TANC1: variants seen among roughly 807,000 people sequenced by gnomAD.
TANC1 encodes the protein tetratricopeptide repeat, ankyrin repeat and coiled-coil containing 1, also known as protein TANC1.
Under a neutral mutation model 149.7 loss-of-function variants are expected in TANC1, and 77 were observed. The ratio of observed to expected loss-of-function variants is 0.51; its 90% CI spans 0.43 to 0.62. The LOEUF (loss-of-function observed/expected upper bound fraction) is 0.62. TANC1 is among the 20% of genes least tolerant of loss of function. The pLI, the probability that TANC1 is intolerant of heterozygous loss-of-function variation, is 0.00. For missense variants in TANC1, 1,985 were observed against 2,321.8 expected (o/e 0.85, Z 2.98); for synonymous variants, 854 against 925.0 (o/e 0.92, Z 1.39).
intron 2 of TANC1, among the ~76,000 whole-genome samples, chr2:159,054,588 G>T (rs1451808554): frequency 6.6e-6 from 1 of 152,178 alleles, no homozygotes. Flanking sequence ...ATGAATAGCT[G>T]CCTTTCACAG....
intron 2 of TANC1, among the ~76,000 whole-genome samples, chr2:159,059,369 T>C (rs2042066477): frequency 6.6e-6 from 1 of 151,916 alleles, no homozygotes; most frequent in Non-Finnish European, 1.5e-5. Flanking sequence ...GGCTTGGTGG[T>C]ACATGCCTGT....
intron 3 of TANC1, among the ~76,000 whole-genome samples, chr2:159,085,310 C>T (rs931018481): frequency 1.1e-4 from 16 of 152,246 alleles, no homozygotes; most frequent in South Asian, 2.1e-4. Flanking sequence ...GCCTGCAGAA[C>T]GATGAGCTAA....
intron 1 of TANC1, among the ~76,000 whole-genome samples, chr2:158,977,729 A>T (rs552335093): frequency 2.0e-5 from 3 of 151,984 alleles, no homozygotes; most frequent in Non-Finnish European, 4.4e-5. Context: ...ATCATACCTG[A>T]TATAAGGACA....
intron 2 of TANC1, among the ~76,000 whole-genome samples, chr2:159,022,107 A>G (rs1314082506): frequency 1.3e-5 from 2 of 152,224 alleles, no homozygotes; most frequent in Non-Finnish European, 2.9e-5. Flanking sequence ...CTCGTTCCCA[A>G]CAACCTTTGG....
intron 14 of TANC1, among the ~76,000 whole-genome samples, 181 bp downstream of exon 14, chr2:159,179,344 C>T (rs913600248): frequency 1.3e-5 from 2 of 152,038 alleles, no homozygotes; most frequent in African/African-American, 4.8e-5. Flanking sequence ...GGGGAATTCT[C>T]TATACAGAAG....
intron 4 of TANC1, 110 bp downstream of exon 4, chr2:159,097,944 C>A: frequency 8.8e-6 from 8 of 909,442 alleles, no homozygotes; most frequent in South Asian, 3.7e-5. Context: ...TTTTCTTTGT[C>A]GCAGTATCTT....
At chr2:159,159,917 A>G (rs1020237925) in intron 7 of TANC1, among the ~76,000 whole-genome samples, 4 of 152,128 alleles carry the variant, frequency 2.6e-5, no homozygotes, top group African/African-American at 9.7e-5. Context: ...GCTACTTGGG[A>G]GGCTGATGCA....
chr2:159,176,627 C>G, intron 13 of TANC1, 109 bp downstream of exon 13: 1 of 897,196 alleles, frequency 1.1e-6, no homozygotes, highest in South Asian at 1.7e-5. Context: ...GAATTGGAAA[C>G]TATGTTAAGA....
intron 16 of TANC1, among the ~76,000 whole-genome samples, chr2:159,189,476 TA>T (rs1468659139): frequency 6.6e-6 from 1 of 152,220 alleles, no homozygotes; most frequent in African/African-American, 2.4e-5. Context: ...AAAGGTTGAT[TA>T]TAACATCGAT....
intron 7 of TANC1, among the ~76,000 whole-genome samples, chr2:159,159,934 C>T (rs1419466906): frequency 6.6e-6 from 1 of 151,868 alleles, no homozygotes; most frequent in Admixed American, 6.6e-5. Flanking sequence ...TGCAGGAGGA[C>T]TGATTGAGGC....
intron 24 of TANC1, 91 bp downstream of exon 24, chr2:159,225,870 C>G: frequency 6.8e-6 from 7 of 1,022,712 alleles, no homozygotes; most frequent in Admixed American, 5.9e-5. Context: ...TGCTACTGCA[C>G]AGTCTCCATG....
chr2:159,021,665 A>G (rs908760666), intron 2 of TANC1, among the ~76,000 whole-genome samples: 5 of 152,234 alleles, frequency 3.3e-5, no homozygotes, highest in Non-Finnish European at 5.9e-5. Context: ...TTGCATTCAG[A>G]AATTTGCTGT....
chr2:159,225,844 A>T, intron 24 of TANC1, 65 bp downstream of exon 24: 5 of 1,165,956 alleles, frequency 4.3e-6, no homozygotes, highest in Non-Finnish European at 6.4e-6. Flanking sequence ...AATTGGGTAC[A>T]TAATGGCTAC....
rs114346621 is a variant in TANC1, at chr2:159,069,033, G to A, written c.61+3062G>A. On this transcript the variant is annotated intron_variant, in intron 3 of 26. Coordinates refer to ENST00000263635, the MANE Select transcript of TANC1 (RefSeq NM_033394.3). The stretch of plus-strand genomic sequence containing the variant: ...TAGGATTACAAATATGAGCCACTGC[G>A]CCCAGCGGATATTTGCAATATTATG... Among the ~76,000 whole-genome samples the A allele has an allele frequency of 1.3e-3, 201 of 152,244 alleles. 1 individual carries two copies. The highest frequency in any genetic ancestry group is 2.5e-3 in the Non-Finnish European group (170 of 68,020).
intron 1 of TANC1, among the ~76,000 whole-genome samples, chr2:158,993,967 C>T (rs976910685): frequency 6.6e-6 from 1 of 152,174 alleles, no homozygotes; most frequent in Non-Finnish European, 1.5e-5. Context: ...TTAAAGAGTA[C>T]TTAAAAATTT....
chr2:159,224,194 G>A lies in TANC1; in HGVS notation c.3679-38G>A, dbSNP rs761587191. ...AATCCGTGTGCGCCCCTGAACTCCT[G>A]TTCCCAGCTGCTGCTTAGGCTTCTG... On this transcript the variant is annotated intron_variant, in intron 22 of 26. Coordinates refer to ENST00000263635, the MANE Select transcript of TANC1 (RefSeq NM_033394.3). 7 of 1,612,618 alleles carry A rather than the reference G, an allele frequency of 4.3e-6. No individual in the cohort carries two copies. In the African/African-American group the frequency reaches 9.3e-5, roughly 22 times the overall value.
chr2:159,089,412 C>T (rs953062378), intron 3 of TANC1, among the ~76,000 whole-genome samples: 1 of 152,086 alleles, frequency 6.6e-6, no homozygotes, highest in Non-Finnish European at 1.5e-5. Flanking sequence ...GCCTGCACCC[C>T]ACCTCCACCC....
At chr2:159,127,772 G>T (rs2049621527) in intron 4 of TANC1, among the ~76,000 whole-genome samples, 1 of 152,238 alleles carries the variant, frequency 6.6e-6, no homozygotes, top group Non-Finnish European at 1.5e-5. Context: ...TTAATACCTA[G>T]GTGATGGGTT....
chr2:159,140,238 A>C (rs1238573658), intron 5 of TANC1, among the ~76,000 whole-genome samples: 1 of 152,136 alleles, frequency 6.6e-6, no homozygotes, highest in East Asian at 1.9e-4. Flanking sequence ...AAAAAAGTGA[A>C]AAAAAGAATA....
Sources: allele counts gnomAD v4.1 joint callset (sites outside exome capture counted in the v4.1 genomes callset), GRCh38; gene constraint gnomAD v4.1.1; transcripts MANE v1.5; gene names NCBI Gene and HGNC (gene_info 2026-07-23, HGNC 2026-07-21).